MAP2K5: variants seen among roughly 807,000 people sequenced by gnomAD.
The protein encoded by MAP2K5 is dual specificity mitogen-activated protein kinase kinase 5.
MAP2K5 carries 49 observed loss-of-function variants against 83.1 expected under a neutral mutation model. The observed-to-expected ratio is 0.59, with a 90% CI of 0.47 to 0.75. The LOEUF (loss-of-function observed/expected upper bound fraction) is 0.75. Ranked by LOEUF, MAP2K5 falls within the 30% of genes least tolerant of loss-of-function variation. The pLI, the probability that MAP2K5 is intolerant of heterozygous loss-of-function variation, is 0.00. For missense variants in MAP2K5, 457 were observed against 557.5 expected (o/e 0.82, Z 1.82); for synonymous variants, 202 against 191.8 (o/e 1.05, Z -0.44).
At chr15:67,617,836 A>G (rs1231282882) in intron 8 of MAP2K5, among the ~76,000 whole-genome samples, 2 of 152,060 alleles carry the variant, frequency 1.3e-5, no homozygotes, top group African/African-American at 2.4e-5. Flanking sequence ...GACCACAGGC[A>G]TGTGCCACCA....
At chr15:67,582,381 T>C (rs935037630) in intron 4 of MAP2K5, among the ~76,000 whole-genome samples, 3 of 152,204 alleles carry the variant, frequency 2.0e-5, no homozygotes, top group African/African-American at 7.2e-5. Flanking sequence ...TATTTCTTAA[T>C]GTTTGCAGTG....
intron 16 of MAP2K5, among the ~76,000 whole-genome samples, chr15:67,705,094 C>T (rs2088516837): frequency 1.3e-5 from 2 of 152,158 alleles, no homozygotes; most frequent in East Asian, 1.9e-4. Context: ...CTTTCCTTAG[C>T]TTTCACACAG....
At chr15:67,723,458 C>T (rs1596859304) in intron 16 of MAP2K5, among the ~76,000 whole-genome samples, 1 of 152,248 alleles carries the variant, frequency 6.6e-6, no homozygotes, top group East Asian at 1.9e-4. Context: ...TTAAGTGTAT[C>T]CCCAACTGGT....
intron 17 of MAP2K5, among the ~76,000 whole-genome samples, chr15:67,739,573 C>T (rs1164067828): frequency 2.1e-5 from 3 of 142,224 alleles, no homozygotes; most frequent in South Asian, 2.4e-4. Context: ...CTCCTCCTCC[C>T]GGGTTGAAGC....
intron 8 of MAP2K5, among the ~76,000 whole-genome samples, chr15:67,626,096 G>A (rs990961504): frequency 2.6e-5 from 4 of 152,138 alleles, no homozygotes; most frequent in South Asian, 4.1e-4. Flanking sequence ...TTAGTGATTC[G>A]AATATATAAT....
In MAP2K5 at chr15:67,750,528, C is replaced by G. The variant is rs1308394028; in HGVS notation, c.1134+1927C>G. Among the ~76,000 whole-genome samples, 3 of 152,146 alleles carry G rather than the reference C, an allele frequency of 2.0e-5. No homozygotes were observed. The highest frequency in any genetic ancestry group is 7.2e-5 in the African/African-American group (3 of 41,426). The stretch of plus-strand genomic sequence containing the variant: ...GATGCAGTGTTCCTCATAGGGTGGA[C>G]CAAGGACTGATTGCATCAGAATTAC... On this transcript the variant is annotated intron_variant, in intron 19 of 21. Coordinates refer to ENST00000178640, the MANE Select transcript of MAP2K5 (RefSeq NM_145160.3). The surrounding 1 kb of genome is among the most constrained non-coding windows in gnomAD (Gnocchi z 4.2).
intron 15 of MAP2K5, among the ~76,000 whole-genome samples, chr15:67,694,252 GA>G (rs977135234): frequency 5.3e-5 from 8 of 151,622 alleles, no homozygotes; most frequent in African/African-American, 1.7e-4. Context: ...GAGTCAAAGG[GA>G]AAAAAAATTA....
In MAP2K5 at chr15:67,770,891, T is replaced by G. The variant is rs1254247100; in HGVS notation, c.1196+1228T>G. Among the ~76,000 whole-genome samples, 1 of 152,234 alleles carries G rather than the reference T, an allele frequency of 6.6e-6. No homozygotes were observed. The highest frequency in any genetic ancestry group is 6.5e-5 in the Admixed American group (1 of 15,282). ...ATTTTTCTCCCCAATTAAAAAAATT[T>G]TATTAACACTGTTTCTATTTATTTA... On this transcript the variant is annotated intron_variant, in intron 20 of 21. Transcript: ENST00000178640. This position sits in a 1 kb window ranked among gnomAD's most constrained non-coding sequence, Gnocchi z 5.0.
chr15:67,586,145 A>G (rs1236183699), intron 5 of MAP2K5, among the ~76,000 whole-genome samples: 2 of 152,084 alleles, frequency 1.3e-5, no homozygotes, highest in South Asian at 2.1e-4. Context: ...ATTTTCAATT[A>G]TTTGGAATTG....
In MAP2K5 at chr15:67,652,026, A is replaced by G. The variant is rs1220581476; in HGVS notation, c.736+5557A>G. Reference sequence around the variant, plus strand: ...TTTCTCCACATCCTTGCCAGCATCTATTATTCCCTGTCTTTTTGATAAAAG... The same window carrying G: ...TTTCTCCACATCCTTGCCAGCATCTGTTATTCCCTGTCTTTTTGATAAAAG... On this transcript the variant is annotated intron_variant, in intron 11 of 21. Coordinates refer to ENST00000178640, the MANE Select transcript of MAP2K5 (RefSeq NM_145160.3). This position sits in a 1 kb window ranked among gnomAD's most constrained non-coding sequence, Gnocchi z 4.2. 6.6e-6 allele frequency among the ~76,000 whole-genome samples: 1 copy of G among 152,144 alleles called. No individual in the cohort carries two copies.
chr15:67,749,800 C>T lies in MAP2K5; in HGVS notation c.1134+1199C>T, dbSNP rs1291627905. Reference sequence around the variant, plus strand: ...CAATATCCTCTATTATCTTAGATTCCAAAAGCCTACTATCCCCATCAGAAT... The same window carrying T: ...CAATATCCTCTATTATCTTAGATTCTAAAAGCCTACTATCCCCATCAGAAT... On this transcript the variant is annotated intron_variant, in intron 19 of 21. Coordinates refer to ENST00000178640, the MANE Select transcript of MAP2K5 (RefSeq NM_145160.3). The surrounding 1 kb of genome is among the most constrained non-coding windows in gnomAD (Gnocchi z 4.6). 6.6e-6 allele frequency among the ~76,000 whole-genome samples: 1 copy of T among 152,142 alleles called. No individual in the cohort carries two copies. Among genetic ancestry groups the T allele is most frequent in the Non-Finnish European group, 1.5e-5 (1 of 68,024 alleles).
intron 13 of MAP2K5, among the ~76,000 whole-genome samples, chr15:67,685,097 T>C (rs986731613): frequency 4.6e-5 from 7 of 152,154 alleles, no homozygotes; most frequent in Admixed American, 3.3e-4. Context: ...TCCACAGATC[T>C]AAGAACTCAA....
At chr15:67,803,972 A>C (rs1045628678) in intron 21 of MAP2K5, among the ~76,000 whole-genome samples, 1 of 152,142 alleles carries the variant, frequency 6.6e-6, no homozygotes, top group African/African-American at 2.4e-5. Context: ...AGTAAAGTGG[A>C]GGTGATTGTG....
At chr15:67,740,595 C>G (rs75244541) in intron 17 of MAP2K5, among the ~76,000 whole-genome samples, 1 of 144,038 alleles carries the variant, frequency 6.9e-6, no homozygotes. Flanking sequence ...CCTGTCTCAA[C>G]AAAAAAAAAA....
chr15:67,599,685 A>AT (rs10665135), intron 7 of MAP2K5, among the ~76,000 whole-genome samples: 337 of 148,408 alleles, frequency 2.3e-3, no homozygotes, highest in African/African-American at 7.5e-3. Flanking sequence ...CTGGAAATTG[A>AT]TTTTTTTTTT....
At chr15:67,546,705 A>G in intron 1 of MAP2K5, 7 of 645,636 alleles carry the variant, frequency 1.1e-5, no homozygotes, top group Non-Finnish European at 1.3e-5. Context: ...ATGAGAGAGA[A>G]TGCCCAACCC....
chr15:67,639,396 T>C (rs2086666061), intron 9 of MAP2K5, among the ~76,000 whole-genome samples: 1 of 152,240 alleles, frequency 6.6e-6, no homozygotes, highest in Admixed American at 6.5e-5. Context: ...ATTTTTTAAA[T>C]TAATGCTCAC....
At chr15:67,613,487 C>T (rs2141049903) in intron 8 of MAP2K5, among the ~76,000 whole-genome samples, 1 of 152,264 alleles carries the variant, frequency 6.6e-6, no homozygotes, top group East Asian at 1.9e-4. Flanking sequence ...AAGATGAATG[C>T]TTGAGCTTAG....
At position 67,769,258 on chromosome 15, in the gene MAP2K5, T is replaced by C. The variant is rs2090097805; in HGVS notation, c.1135-344T>C. 6.6e-6 allele frequency among the ~76,000 whole-genome samples: 1 copy of C among 152,202 alleles called. No homozygotes were observed. Among genetic ancestry groups the C allele is most frequent in the African/African-American group, 2.4e-5 (1 of 41,442 alleles). On this transcript the variant is annotated intron_variant, in intron 19 of 21. Transcript: ENST00000178640. This position sits in a 1 kb window ranked among gnomAD's most constrained non-coding sequence, Gnocchi z 5.2. ...GTCAACACAAGAATAATTTCACAGC[T>C]CTTTGTTAATTACAAGACCATTTGT...
Sources: allele counts gnomAD v4.1 joint callset (sites outside exome capture counted in the v4.1 genomes callset), GRCh38; gene constraint gnomAD v4.1.1; non-coding constraint Gnocchi (gnomAD v3.1); transcripts MANE v1.5; gene names NCBI Gene and HGNC (gene_info 2026-07-23, HGNC 2026-07-21).